C12orf42: variants seen among roughly 807,000 people sequenced by gnomAD.
The protein encoded by C12orf42 is chromosome 12 open reading frame 42, also known as uncharacterized protein C12orf42.
A neutral mutation model predicts 21.6 loss-of-function variants in C12orf42; 25 were observed. The ratio of observed to expected loss-of-function variants is 1.16; its 90% CI spans 0.84 to 1.62. C12orf42 has a LOEUF of 1.62. Among genes scored for constraint, C12orf42 ranks in the 40% most tolerant of loss-of-function variants. The pLI, the probability that C12orf42 is intolerant of heterozygous loss-of-function variation, is 0.00. For synonymous variants in C12orf42, 174 were observed against 175.0 expected (o/e 0.99, Z 0.05); for missense variants, 483 against 459.3 (o/e 1.05, Z -0.47).
the C12orf42 span, among the ~76,000 whole-genome samples, chr12:103,181,970 G>A: frequency 1.3e-5 from 2 of 152,204 alleles, no homozygotes; most frequent in African/African-American, 4.8e-5. Flanking sequence ...TAAGAATGAT[G>A]TTAAGTGTGG....
chr12:103,456,150 G>C (rs1285965081), intron 2 of C12orf42: 10 of 152,054 alleles, frequency 6.6e-5, no homozygotes. Context: ...CCAATACCTT[G>C]GGTTTTATAT....
intron 4 of C12orf42, among the ~76,000 whole-genome samples, chr12:103,345,025 T>G (rs1231398434): frequency 6.6e-6 from 1 of 152,192 alleles, no homozygotes; most frequent in East Asian, 1.9e-4. Flanking sequence ...CTTTTGGAAT[T>G]AGGCAGAGTT....
intron 2 of C12orf42, among the ~76,000 whole-genome samples, chr12:103,444,906 A>G (rs1244456916): frequency 6.6e-6 from 1 of 152,020 alleles, no homozygotes; most frequent in East Asian, 1.9e-4. Flanking sequence ...AAGCTTTGAT[A>G]TATTTCTTCT....
chr12:103,506,816 TTATATATA>T, the C12orf42 span, among the ~76,000 whole-genome samples: 1 of 93,252 alleles, frequency 1.1e-5, no homozygotes, highest in Non-Finnish European at 1.9e-5. Flanking sequence ...AAATACATGT[TTATATATA>T]TATTTATATA....
At chr12:103,179,926 T>C in the C12orf42 span, among the ~76,000 whole-genome samples, 5 of 152,056 alleles carry the variant, frequency 3.3e-5, no homozygotes, top group Non-Finnish European at 7.4e-5. Context: ...AACAGGATGG[T>C]GACAGTGCTG....
At chr12:103,141,087 C>A in the C12orf42 span, among the ~76,000 whole-genome samples, 1 of 152,196 alleles carries the variant, frequency 6.6e-6, no homozygotes, top group Non-Finnish European at 1.5e-5. Context: ...CAGGCCTTTC[C>A]ATTTGCCTAG....
chr12:103,474,176 G>A (rs1314948235), intron 2 of C12orf42, among the ~76,000 whole-genome samples: 3 of 152,052 alleles, frequency 2.0e-5, no homozygotes, highest in Non-Finnish European at 4.4e-5. Flanking sequence ...ACACTTTCAT[G>A]CCTTTCCTAA....
At chr12:103,554,781 A>G in the C12orf42 span, among the ~76,000 whole-genome samples, 1 of 152,168 alleles carries the variant, frequency 6.6e-6, no homozygotes. Context: ...CTCTATCGCA[A>G]GACAGCACTA....
At position 103,397,339 on chromosome 12, in the gene C12orf42, C is replaced by T. The variant is rs569076038; in HGVS notation, c.147+4268G>A. Among the ~76,000 whole-genome samples, 3 of 152,312 alleles carry T rather than the reference C, an allele frequency of 2.0e-5. No individual in the cohort carries two copies. The East Asian group carries it at 5.8e-4, about 29-fold the overall frequency. Reference sequence around the variant, plus strand: ...GTCCTCTATGTCAGGGGTTCCCAAGCCCCAGGCCATTAGGCACCAGGTGGC... The same window carrying T: ...GTCCTCTATGTCAGGGGTTCCCAAGTCCCAGGCCATTAGGCACCAGGTGGC... On this transcript the variant is annotated intron_variant, in intron 3 of 5. Coordinates refer to ENST00000548883, the MANE Select transcript of C12orf42 (RefSeq NM_198521.5).
At chr12:103,427,900 GAAGT>G (rs1185629419) in intron 2 of C12orf42, among the ~76,000 whole-genome samples, 1 of 152,300 alleles carries the variant, frequency 6.6e-6, no homozygotes, top group African/African-American at 2.4e-5. Context: ...AATTAAGGCA[GAAGT>G]AAGTAAGTTC....
At chr12:103,507,023 TTA>T in the C12orf42 span, among the ~76,000 whole-genome samples, 76 of 10,596 alleles carry the variant, frequency 7.2e-3, 2 homozygotes, top group South Asian at 0.016. Context: ...AAATATATAT[TTA>T]TATATAATAT....
At chr12:103,272,750 C>A (rs1003947642) in intron 5 of C12orf42, among the ~76,000 whole-genome samples, 4 of 152,140 alleles carry the variant, frequency 2.6e-5, no homozygotes, top group Non-Finnish European at 4.4e-5. Flanking sequence ...AAATCTGAAG[C>A]TTTCCAAACA....
the C12orf42 span, among the ~76,000 whole-genome samples, chr12:103,180,887 C>A: frequency 4.6e-5 from 7 of 151,930 alleles, no homozygotes; most frequent in Non-Finnish European, 1.0e-4. Flanking sequence ...CTCAGCCTCC[C>A]AAAGTGCTGG....
chr12:103,445,684 T>C (rs1951535641), intron 2 of C12orf42, among the ~76,000 whole-genome samples: 1 of 152,036 alleles, frequency 6.6e-6, no homozygotes, highest in African/African-American at 2.4e-5. Context: ...AAATACTCTC[T>C]CCCATTTGGA....
chr12:103,082,686 A>C, the C12orf42 span, among the ~76,000 whole-genome samples: 229 of 152,360 alleles, frequency 1.5e-3, no homozygotes, highest in Admixed American at 2.7e-3. Context: ...CTAGAACTTA[A>C]AGTATAATAA....
the C12orf42 span, among the ~76,000 whole-genome samples, chr12:103,116,381 A>AAAATATATATAT: frequency 2.2e-5 from 3 of 136,712 alleles, no homozygotes; most frequent in African/African-American, 8.2e-5. Context: ...AAAAAAAAAA[A>AAAATATATATAT]ATATATATAT....
chr12:103,219,646 A>G, the C12orf42 span, among the ~76,000 whole-genome samples: 2 of 152,256 alleles, frequency 1.3e-5, no homozygotes, highest in African/African-American at 2.4e-5. Context: ...TGTGGCCAAC[A>G]AACATATGAA....
chr12:103,146,560 AAAAGAAAGAAAGAAAGAAAGAAAG>A, the C12orf42 span, among the ~76,000 whole-genome samples: 113 of 120,054 alleles, frequency 9.4e-4, no homozygotes, highest in African/African-American at 3.5e-3. Context: ...ATAAAGAAAG[AAAAGAAAGAAAGAAAGAAAGAAAG>A]AAAGAAAGAA....
At chr12:103,430,651 G>C (rs1762629973) in intron 2 of C12orf42, among the ~76,000 whole-genome samples, 1 of 152,132 alleles carries the variant, frequency 6.6e-6, no homozygotes, top group African/African-American at 2.4e-5. Flanking sequence ...CTACTATAAA[G>C]ACACATGCAC....
Sources: allele counts gnomAD v4.1 joint callset (sites outside exome capture counted in the v4.1 genomes callset), GRCh38; gene constraint gnomAD v4.1.1; transcripts MANE v1.5; gene names NCBI Gene and HGNC (gene_info 2026-07-23, HGNC 2026-07-21).